The following MSI2 variants were observed in gnomAD, a reference collection of about 807,000 sequenced individuals.
MSI2 encodes RNA-binding protein Musashi homolog 2.
In MSI2, 17 loss-of-function variants were observed where a neutral mutation model predicts 45.6. That is an observed-to-expected ratio of 0.37 (90% CI 0.26 to 0.56). The LOEUF is 0.56. MSI2 is among the 20% of genes least tolerant of loss of function. The pLI is 0.77. For missense variants in MSI2, 293 were observed against 444.2 expected, an observed-to-expected ratio of 0.66 and a Z score of 3.06; for synonymous variants, 156 against 158.2, an observed-to-expected ratio of 0.99 and a Z score of 0.11.
At chr17:57,278,677 T>G (rs1317699752) in intron 5 of MSI2, 3 of 139,592 alleles carry the variant, frequency 2.1e-5, no homozygotes, top group Non-Finnish European at 4.8e-5. Flanking sequence ...GTGAGATGTG[T>G]TTTTTTTTCT....
intron 5 of MSI2, among the ~76,000 whole-genome samples, chr17:57,357,948 CA>C (rs1178627353): frequency 1.3e-5 from 2 of 152,142 alleles, no homozygotes; most frequent in African/African-American, 4.8e-5. Flanking sequence ...TGTACAGCCC[CA>C]TCTCCTTTCT....
intron 5 of MSI2, among the ~76,000 whole-genome samples, chr17:57,295,104 G>C (rs76894220): frequency 0.016 from 2,377 of 152,308 alleles, 31 homozygotes; most frequent in Non-Finnish European, 0.025. Flanking sequence ...TTGGGATGGG[G>C]GGAATGTGCC....
intron 6 of MSI2, among the ~76,000 whole-genome samples, chr17:57,424,754 G>A (rs1301578032): frequency 6.6e-6 from 1 of 152,064 alleles, no homozygotes; most frequent in Non-Finnish European, 1.5e-5. Flanking sequence ...CTGCCTTCTC[G>A]GGGTGCCTGT....
intron 5 of MSI2, among the ~76,000 whole-genome samples, chr17:57,306,554 T>G (rs867956331): frequency 1.3e-5 from 2 of 152,250 alleles, no homozygotes; most frequent in Middle Eastern, 3.4e-3. Context: ...GTTGGAAGAT[T>G]CAAGGGTGTG....
intron 8 of MSI2, among the ~76,000 whole-genome samples, chr17:57,610,269 G>A (rs1324706851): frequency 3.3e-5 from 5 of 152,120 alleles, no homozygotes; most frequent in African/African-American, 1.2e-4. Context: ...TGGCCAATGT[G>A]GTGAAACCCC....
chr17:57,670,197 A>T (rs543785296), intron 11 of MSI2, among the ~76,000 whole-genome samples: 1 of 152,226 alleles, frequency 6.6e-6, no homozygotes, highest in African/African-American at 2.4e-5. Flanking sequence ...GTCCAGTGAC[A>T]TCACTTAGGG....
intron 9 of MSI2, among the ~76,000 whole-genome samples, chr17:57,623,488 C>T (rs1416097049): frequency 9.9e-5 from 15 of 152,196 alleles, no homozygotes. Flanking sequence ...AAAATGAGCT[C>T]AGTGGCAAAT....
intron 6 of MSI2, among the ~76,000 whole-genome samples, chr17:57,474,596 CT>C (rs1309325331): frequency 2.0e-5 from 3 of 152,218 alleles, no homozygotes; most frequent in African/African-American, 7.2e-5. Context: ...AAAATTGCCC[CT>C]GGTTGAGAAT....
At chr17:57,257,409 GC>G (rs1906885495) in intron 2 of MSI2, 56 bp from the exon 3 acceptor site, 1 of 1,003,592 alleles carries the variant, frequency 1.0e-6, no homozygotes, top group Non-Finnish European at 1.5e-6. Context: ...AATTTGCATT[GC>G]TTTTTTTTTC....
chr17:57,437,959 G>C (rs1407246548), intron 6 of MSI2, among the ~76,000 whole-genome samples: 1 of 152,240 alleles, frequency 6.6e-6, no homozygotes, highest in Non-Finnish European at 1.5e-5. Context: ...CCGTGCACAT[G>C]CACCCGTGTA....
In MSI2 at chr17:57,627,405, C is replaced by A; in HGVS notation, c.727+102C>A. ...AAGAGAATGCATTTCTTACATGCAT[C>A]CACTTGAAAATGACCTATACATGAT... On this transcript the variant is annotated intron_variant, in intron 10 of 13. Transcript: ENST00000284073. This position sits in a 1 kb window ranked among gnomAD's most constrained non-coding sequence, Gnocchi z 4.6. The A allele has an allele frequency of 9.9e-7, 1 of 1,014,348 alleles. No individual in the cohort carries two copies. Among genetic ancestry groups the A allele is most frequent in the Non-Finnish European group, 1.6e-6 (1 of 638,034 alleles). The allele number at this position is 1,014,348 out of a possible 1,614,324, so 62.8% of individuals were successfully genotyped here.
rs552542338 is a variant in MSI2 at position 57,576,617 on chromosome 17, G to A, written c.455-20251G>A. 7.7e-4 allele frequency among the ~76,000 whole-genome samples: 117 copies of A among 152,140 alleles called. 1 individual carries two copies. The highest frequency in any genetic ancestry group is 1.4e-3 in the Non-Finnish European group (93 of 68,010). On this transcript the variant is annotated intron_variant, in intron 7 of 13. Coordinates refer to ENST00000284073, the MANE Select transcript of MSI2 (RefSeq NM_138962.4). ...CTAAAAATACAAACATTAGTGGCACGGTGGTGCATGCCTGTAATCCCAGCT... is the reference window on the plus strand; with the variant it reads ...CTAAAAATACAAACATTAGTGGCACAGTGGTGCATGCCTGTAATCCCAGCT...
intron 6 of MSI2, among the ~76,000 whole-genome samples, chr17:57,426,199 G>A (rs372761836): frequency 1.3e-5 from 2 of 152,160 alleles, no homozygotes; most frequent in Admixed American, 6.5e-5. Flanking sequence ...GTGTTTAGTC[G>A]TGATTTTTAA....
chr17:57,537,743 CTCT>C (rs1417352492), intron 7 of MSI2, among the ~76,000 whole-genome samples: 5 of 152,292 alleles, frequency 3.3e-5, no homozygotes, highest in East Asian at 3.9e-4. Flanking sequence ...TGTTCACCTG[CTCT>C]TCTTTGGAGA....
intron 7 of MSI2, among the ~76,000 whole-genome samples, chr17:57,558,029 A>C (rs2087479051): frequency 6.6e-6 from 1 of 152,178 alleles, no homozygotes; most frequent in Non-Finnish European, 1.5e-5. Flanking sequence ...TGAGGGAGTT[A>C]GGAGTGGCAT....
At chr17:57,352,805 A>G (rs1916126565) in intron 5 of MSI2, among the ~76,000 whole-genome samples, 1 of 152,150 alleles carries the variant, frequency 6.6e-6, no homozygotes, top group African/African-American at 2.4e-5. Context: ...CCCTCTGGCT[A>G]CCAGTTTGCC....
intron 5 of MSI2, among the ~76,000 whole-genome samples, chr17:57,275,645 G>C (rs1908774279): frequency 6.6e-6 from 1 of 152,274 alleles, no homozygotes. Flanking sequence ...GAATTTACCA[G>C]GTATTGCTGG....
Position 57,256,819 on chromosome 17 carries a change from G to A in MSI2, c.62+15G>A, listed in dbSNP as rs766539953. 3.4e-6 allele frequency: 5 copies of A among 1,450,594 alleles called. No individual in the cohort carries two copies. In the African/African-American group the frequency reaches 6.0e-5, roughly 17 times the overall value. 89.9% of individuals were successfully genotyped at this position (1,450,594 alleles called of 1,614,324 possible). ...CACGACCCCGGGTAAGTTTCCAGCCGCTGCCCACCGCGCCGCCTTGGGCTC... is the reference window on the plus strand; with the variant it reads ...CACGACCCCGGGTAAGTTTCCAGCCACTGCCCACCGCGCCGCCTTGGGCTC... On this transcript the variant is annotated intron_variant, in intron 1 of 13. Transcript: ENST00000284073.
At chr17:57,300,286 G>C (rs1270589079) in intron 5 of MSI2, among the ~76,000 whole-genome samples, 1 of 152,034 alleles carries the variant, frequency 6.6e-6, no homozygotes, top group Non-Finnish European at 1.5e-5. Context: ...CCTGAGGGTG[G>C]GAATTTTTAT....
Sources: gnomAD v4.1 joint callset for allele counts (sites outside exome capture counted in the v4.1 genomes callset) on GRCh38, gnomAD v4.1.1 for gene constraint, Gnocchi (gnomAD v3.1) non-coding constraint, MANE v1.5 for transcripts, NCBI Gene and HGNC (gene_info 2026-07-23, HGNC 2026-07-21) for gene names.